ZNF142: variants seen among roughly 807,000 people sequenced by gnomAD.
ZNF142 encodes the protein zinc finger protein 142, also known as zinc finger protein 142 (clone pHZ-49).
In ZNF142, 96 loss-of-function variants were observed where a neutral mutation model predicts 132.1. The observed-to-expected ratio is 0.73, with a 90% CI of 0.62 to 0.86. The LOEUF is 0.86. ZNF142 is among the 40% of genes least tolerant of loss of function. ZNF142 has a pLI of 0.00. For synonymous variants in ZNF142, 842 were observed against 890.1 expected (o/e 0.95, Z 0.96); for missense variants, 2,163 against 2,336.2 (o/e 0.93, Z 1.53).
chr2:218,657,992 A>T (rs1222157228), intron 3 of ZNF142, among the ~76,000 whole-genome samples: 1 of 152,230 alleles, frequency 6.6e-6, no homozygotes, highest in Non-Finnish European at 1.5e-5. Flanking sequence ...CATTGGAGTA[A>T]AGCTAGGTAT....
At position 218,642,586 on chromosome 2, in the gene ZNF142, G is replaced by A. The variant is rs200514966; in HGVS notation, c.4530C>T (p.Pro1510=). ...ALKQHALRRH[P]EPAQPAPGSP... ...AGCCAGGGGCAGGCTGTGCAGGCTC[G>A]GGGTGTCGGCGCAGAGCATGCTGCT... Residue 1510 remains proline, a synonymous_variant, in exon 9 of 11, where the codon CCC becomes CCT. Coordinates refer to ENST00000411696, the MANE Select transcript of ZNF142 (RefSeq NM_001379659.1). This position sits in a 1 kb window ranked among gnomAD's most constrained non-coding sequence, Gnocchi z 4.6. The A allele has an allele frequency of 1.8e-4, 282 of 1,608,124 alleles. No homozygotes were observed. In the African/African-American group the frequency reaches 2.8e-3, roughly 16 times the overall value.
rs202023725 is a variant in ZNF142, at chr2:218,643,395, T to C, written c.3721A>G (p.Ile1241Val). ...CPFLCSRLSS[I>V]TSHVAEGCRG... Reference sequence around the variant, plus strand: ...CAGCCTTCAGCCACGTGAGAGGTAATAGAGGAGAGCCGGGAACAAAGGAAT... The same window carrying C: ...CAGCCTTCAGCCACGTGAGAGGTAACAGAGGAGAGCCGGGAACAAAGGAAT... The change falls in exon 9 of 11, where the codon ATT (isoleucine) becomes GTT (valine). Residue 1241 changes from isoleucine to valine, a missense_variant. Around this residue, in one of 7 missense-constraint regions of ZNF142, gnomAD observed 809 missense variants for 801.7 expected, o/e 1.01. Coordinates refer to ENST00000411696, the MANE Select transcript of ZNF142 (RefSeq NM_001379659.1). 28 of 1,614,062 alleles carry C rather than the reference T, an allele frequency of 1.7e-5. 1 individual carries two copies. In the East Asian group the frequency reaches 2.9e-4, roughly 17 times the overall value.
chr2:218,633,872 AGGAGT>A lies in ZNF142; in HGVS notation c.*4462_*4466del. 6 of 1,369,068 alleles carry A rather than the reference AGGAGT, an allele frequency of 4.4e-6. No individual in the cohort carries two copies. The highest frequency in any genetic ancestry group is 6.1e-6 in the Non-Finnish European group (6 of 988,626). The allele number at this position is 1,369,068 out of a possible 1,614,324, so 84.8% of individuals were successfully genotyped here. On this transcript the variant is annotated 3_prime_UTR_variant, in exon 11 of 11. Transcript: ENST00000411696. The stretch of plus-strand genomic sequence containing the variant: ...AGACAAGGTAGCTAAGGAGAGATGA[AGGAGT>A]TCAGAAACTCCTTAGAGCAGACAAG...
Position 218,634,677 on chromosome 2 carries a change from A to T in ZNF142, c.*3662T>A. 1 of 1,593,890 alleles carries T rather than the reference A, an allele frequency of 6.3e-7. No individual in the cohort carries two copies. Among genetic ancestry groups the T allele is most frequent in the Non-Finnish European group, 8.6e-7 (1 of 1,166,248 alleles). ...GGGAAGAAACTGAGATAACTGGGAT[A>T]GAAGTGAGGGAAGAGGTGGCTAGGC... On this transcript the variant is annotated 3_prime_UTR_variant, in exon 11 of 11. Coordinates refer to ENST00000411696, the MANE Select transcript of ZNF142 (RefSeq NM_001379659.1). This position sits in a 1 kb window ranked among gnomAD's most constrained non-coding sequence, Gnocchi z 4.0.
intron 10 of ZNF142, among the ~76,000 whole-genome samples, chr2:218,639,095 C>T (rs1351748736): frequency 1.3e-5 from 2 of 152,198 alleles, no homozygotes; most frequent in African/African-American, 4.8e-5. Flanking sequence ...CCTCAGTTTC[C>T]CAAGTAGCTG....
At chr2:218,640,913 C>A in intron 9 of ZNF142, 144 bp from the exon 10 acceptor site, 1 of 619,820 alleles carries the variant, frequency 1.6e-6, no homozygotes, top group Non-Finnish European at 2.8e-6. Context: ...TCTTAATCTT[C>A]AGTTTACTTG....
chr2:218,637,126 C>A lies in ZNF142; in HGVS notation c.*1213G>T, dbSNP rs1696811685. 3.1e-6 allele frequency: 1 copy of A among 323,682 alleles called. No homozygotes were observed. The highest frequency in any genetic ancestry group is 6.1e-6 in the Non-Finnish European group (1 of 164,308). 20.1% of individuals were successfully genotyped at this position (323,682 alleles called of 1,614,324 possible). A position where few individuals can be genotyped will look rare whatever the true frequency, so the allele number is the denominator to read the frequency against. On this transcript the variant is annotated 3_prime_UTR_variant, in exon 11 of 11. Transcript: ENST00000411696. ...ACTGCACAGCACTCAAAGTCCCCCA[C>A]TGGACTGCTTCCTCCTTAGCCCCAC...
chr2:218,649,075 G>A lies in ZNF142; in HGVS notation c.1433C>T (p.Ala478Val), dbSNP rs774663163. Residue 478 changes from alanine to valine, a missense_variant, in exon 7 of 11, where the codon GCA (alanine) becomes GTA (valine). Ala to Val is a moderately conservative substitution (Grantham distance 64). This residue lies in a region of ZNF142 where 749 missense variants were observed against 830.3 expected (regional missense o/e 0.90). Transcript: ENST00000411696. The stretch of plus-strand genomic sequence containing the variant: ...AAGGGGTAATGGCTCTGCTGCGGCT[G>A]CTGCCGTGTGGCTCTTGAGGTGCTC... ...LKEHLKSHTAAAAAEPLPLRC... is the reference protein window; with the variant it reads ...LKEHLKSHTAVAAAEPLPLRC... 9.9e-6 allele frequency: 16 copies of A among 1,613,864 alleles called. No individual in the cohort carries two copies. Among genetic ancestry groups the A allele is most frequent in the South Asian group, 9.9e-5 (9 of 91,092 alleles).
At chr2:218,645,897 C>T (rs1697687471) in intron 8 of ZNF142, among the ~76,000 whole-genome samples, 3 of 152,168 alleles carry the variant, frequency 2.0e-5, no homozygotes. Context: ...AAGAAGCTGG[C>T]ATTACAGGCG....
chr2:218,638,390 C>T lies in ZNF142; in HGVS notation c.5613G>A (p.Glu1871=), dbSNP rs1803383. The change falls in exon 11 of 11, where the codon GAG becomes GAA. Residue 1871 remains glutamate, a synonymous_variant. Coordinates refer to ENST00000411696, the MANE Select transcript of ZNF142 (RefSeq NM_001379659.1). ...CGGCAGGAGCAGGAGGGCTGGGATC[C>T]TCCAGCTGCACATCATGCAGGTGCA... ...PTVHLHDVQL[E]DPSPPAPAAP... The T allele has an allele frequency of 0.04, 60,698 of 1,533,196 alleles. 1,583 individuals carry two copies. The highest frequency in any genetic ancestry group is 0.11 in the East Asian group (4,953 of 44,020). The allele number at this position is 1,533,196 out of a possible 1,614,324, so 95.0% of individuals were successfully genotyped here.
chr2:218,638,808 C>T lies in ZNF142; in HGVS notation c.5195G>A (p.Gly1732Glu), dbSNP rs775270065. ...QLKYHMTKHT[G>E]LKPYQCPECE... ...CTCGGGACACTGGTATGGCTTCAGT[C>T]CTACAGGACAGGGAACAAATCACCA... Residue 1732 changes from glycine (G) to glutamate (E), a missense_variant and splice_region_variant, in exon 11 of 11, where the codon GGA (glycine) becomes GAA (glutamate). Transcript: ENST00000411696. 28 of 1,589,416 alleles carry T rather than the reference C, an allele frequency of 1.8e-5. No homozygotes were observed. The highest frequency in any genetic ancestry group is 2.4e-5 in the Non-Finnish European group (28 of 1,172,176).
chr2:218,643,422 G>C lies in ZNF142; in HGVS notation c.3694C>G (p.Pro1232Ala), dbSNP rs1697427043. ...EQGKFHCNSC[P>A]FLCSRLSSIT... ...GAGGAGAGCCGGGAACAAAGGAATG[G>C]GCAGGAGTTGCAGTGAAACTTGCCC... Residue 1232 changes from proline to alanine, a missense_variant, in exon 9 of 11, where the codon CCA becomes GCA. Pro to Ala is a conservative substitution (Grantham distance 27, BLOSUM62 -1). This residue lies in a region of ZNF142 where 809 missense variants were observed against 801.7 expected (regional missense o/e 1.01). Transcript: ENST00000411696. The C allele has an allele frequency of 1.2e-6, 2 of 1,614,230 alleles. No individual in the cohort carries two copies. Among genetic ancestry groups the C allele is most frequent in the Non-Finnish European group, 1.7e-6 (2 of 1,180,044 alleles).
chr2:218,644,900 G>A lies in ZNF142; in HGVS notation c.2216C>T (p.Thr739Ile). 1.2e-6 allele frequency: 2 copies of A among 1,614,096 alleles called. No homozygotes were observed. Among genetic ancestry groups the A allele is most frequent in the South Asian group, 1.1e-5 (1 of 91,086 alleles). Reference protein sequence around the residue: ...KHMASQHHPGTPAPLYPCHYC... With the variant: ...KHMASQHHPGIPAPLYPCHYC... ...GTGGCAAGGGTAGAGTGGGGCCGGT[G>A]TGCCAGGGTGGTGCTGGGAAGCCAT... The change falls in exon 9 of 11, where the codon ACA becomes ATA. Residue 739 changes from threonine to isoleucine, a missense_variant. Coordinates refer to ENST00000411696, the MANE Select transcript of ZNF142 (RefSeq NM_001379659.1). The surrounding 1 kb of genome is among the most constrained non-coding windows in gnomAD (Gnocchi z 4.6).
chr2:218,650,588 C>T (rs1158869691), intron 5 of ZNF142, 62 bp from the exon 6 acceptor site: 1 of 1,429,218 alleles, frequency 7.0e-7, no homozygotes, highest in Non-Finnish European at 9.3e-7. Flanking sequence ...AATGCTTATA[C>T]TTCTCTACCT....
At position 218,648,849 on chromosome 2, in the gene ZNF142, G is replaced by A. The variant is rs1371718202; in HGVS notation, c.1659C>T (p.Ser553=). ...TGTGTTTACGGAATAGGTGCTTATT[G>A]GAACAAGCAAAATCACAGTGGGGGC... ...FHCPHCDFAC[S]NKHLFRKHKK... The change falls in exon 7 of 11, where the codon TCC becomes TCT. Residue 553 remains serine (S), a synonymous_variant. Transcript: ENST00000411696. The A allele has an allele frequency of 3.1e-6, 5 of 1,614,096 alleles. No homozygotes were observed. The highest frequency in any genetic ancestry group is 4.5e-5 in the East Asian group (2 of 44,898).
chr2:218,634,020 G>C lies in ZNF142; in HGVS notation c.*4319C>G. 1 of 1,504,906 alleles carries C rather than the reference G, an allele frequency of 6.6e-7. No homozygotes were observed. The highest frequency in any genetic ancestry group is 9.0e-7 in the Non-Finnish European group (1 of 1,113,604). The allele number at this position is 1,504,906 out of a possible 1,614,324, so 93.2% of individuals were successfully genotyped here. On this transcript the variant is annotated 3_prime_UTR_variant, in exon 11 of 11. Coordinates refer to ENST00000411696, the MANE Select transcript of ZNF142 (RefSeq NM_001379659.1). This position sits in a 1 kb window ranked among gnomAD's most constrained non-coding sequence, Gnocchi z 4.0. ...AGCCAGCTTCAGATGCTGGAGAGAA[G>C]GGTGAAGAGTAGGCATGGTCCTTGG...
Position 218,636,390 on chromosome 2 carries a change from A to G in ZNF142, c.*1949T>C, listed in dbSNP as rs369625498. On this transcript the variant is annotated 3_prime_UTR_variant, in exon 11 of 11. Transcript: ENST00000411696. ...ACCCTGCCTTGGACCTGCATGCAAC[A>G]AGGTGAGCCAGCCCCTTTGGCCCCT... 22 of 1,614,010 alleles carry G rather than the reference A, an allele frequency of 1.4e-5. No individual in the cohort carries two copies. The highest frequency in any genetic ancestry group is 1.8e-5 in the Non-Finnish European group (21 of 1,179,890).
Position 218,652,076 on chromosome 2 carries a change from A to C in ZNF142, c.505T>G (p.Cys169Gly), listed in dbSNP as rs1413125597. 2.2e-6 allele frequency: 1 copy of C among 459,016 alleles called. No homozygotes were observed. The highest frequency in any genetic ancestry group is 2.4e-5 in the Admixed American group (1 of 42,492). 28.4% of individuals were successfully genotyped at this position (459,016 alleles called of 1,614,324 possible). ...TGGGGTTGGGCAAACTCCTGTCTAC[A>C]CACAGGGCATGATAGGGGGCTAACT... ...PPVSPLSCPV[C>G]RQEFAQPQAL... is the part of the protein sequence containing the mutation. The change falls in exon 5 of 11, where the codon TGT (cysteine) becomes GGT (glycine). Residue 169 changes from cysteine (C) to glycine (G), a missense_variant. Physicochemically the swap from Cys to Gly is radical, Grantham distance 159. Transcript: ENST00000411696.
chr2:218,649,121 G>A lies in ZNF142; in HGVS notation c.1387C>T (p.Arg463Cys), dbSNP rs765283901. The A allele has an allele frequency of 3.3e-5, 54 of 1,613,990 alleles. No individual in the cohort carries two copies. Among genetic ancestry groups the A allele is most frequent in the South Asian group, 5.5e-5 (5 of 91,092 alleles). ...YACPVCREEF[R>C]LSQALKEHLK... Reference sequence around the variant, plus strand: ...TGCTCCTTTAGGGCCTGGCTGAGGCGGAATTCCTCACGGCAGACAGGACAG... The same window carrying A: ...TGCTCCTTTAGGGCCTGGCTGAGGCAGAATTCCTCACGGCAGACAGGACAG... Residue 463 changes from arginine (R) to cysteine (C), a missense_variant, in exon 7 of 11, where the codon CGC becomes TGC. By Grantham distance (180) the Arg-to-Cys change is radical (BLOSUM62 -3). This residue lies in a region of ZNF142 where 749 missense variants were observed against 830.3 expected (regional missense o/e 0.90). Transcript: ENST00000411696.
Sources: gnomAD v4.1 joint callset for allele counts (sites outside exome capture counted in the v4.1 genomes callset) on GRCh38, gnomAD v4.1.1 for gene constraint, gnomAD v4.1.1 regional missense constraint, Gnocchi (gnomAD v3.1) non-coding constraint, MANE v1.5 for transcripts, NCBI Gene and HGNC (gene_info 2026-07-23, HGNC 2026-07-21) for gene names.